EIF4G2: variants seen among roughly 807,000 people sequenced by gnomAD.
EIF4G2 encodes the protein eukaryotic translation initiation factor 4 gamma 2, also known as DAP-5.
A neutral mutation model predicts 117.7 loss-of-function variants in EIF4G2; 8 were observed. The ratio of observed to expected loss-of-function variants is 0.07; its 90% confidence interval spans 0.04 to 0.12. The LOEUF is 0.12. EIF4G2 is among the 10% of genes least tolerant of loss of function. The pLI, the probability that EIF4G2 is intolerant of heterozygous loss-of-function variation, is 1.00. For synonymous variants in EIF4G2, 413 were observed against 367.8 expected, an observed-to-expected ratio of 1.12 and a Z score of -1.41; for missense variants, 812 against 1,086.2, an observed-to-expected ratio of 0.75 and a Z score of 3.55.
intron 11 of EIF4G2, among the ~76,000 whole-genome samples, chr11:10,802,722 C>T (rs1003000028): frequency 1.3e-5 from 2 of 152,046 alleles, no homozygotes; most frequent in African/African-American, 4.8e-5. Flanking sequence ...AAAAAATTAG[C>T]GGGGTGTGGT....
In EIF4G2 at chr11:10,803,582, T is replaced by C; in HGVS notation, c.711A>G (p.Glu237=). The change falls in exon 9 of 22, where the codon GAA becomes GAG. Residue 237 remains glutamate (E), a synonymous_variant. Transcript: ENST00000339995. This position sits in a 1 kb window ranked among gnomAD's most constrained non-coding sequence, Gnocchi z 4.0. ...CTTTGAGTTGGACTCTCTTCTTCTT[T>C]TCCAAAAGCTACAAGAATAAAAGGC... The C allele has an allele frequency of 6.2e-7, 1 of 1,613,488 alleles. No homozygotes were observed. The highest frequency in any genetic ancestry group is 1.3e-5 in the African/African-American group (1 of 75,046).
intron 21 of EIF4G2, among the ~76,000 whole-genome samples, chr11:10,798,568 G>C (rs535148493): frequency 3.3e-5 from 5 of 149,846 alleles, no homozygotes; most frequent in African/African-American, 1.0e-4. Context: ...GTATTTTTTA[G>C]AGACAGGGTT....
Position 10,803,836 on chromosome 11 carries a change from A to C in EIF4G2, c.702+63T>G. 6.5e-7 allele frequency: 1 copy of C among 1,549,456 alleles called. No homozygotes were observed. The highest frequency in any genetic ancestry group is 8.8e-7 in the Non-Finnish European group (1 of 1,142,290). Reference sequence around the variant, plus strand: ...AACTAGTCAACCTCCCTCTTAGATGAATAATTGACTCATTTCCTCCAAACG... The same window carrying C: ...AACTAGTCAACCTCCCTCTTAGATGCATAATTGACTCATTTCCTCCAAACG... On this transcript the variant is annotated intron_variant, in intron 8 of 21. Transcript: ENST00000339995. The surrounding 1 kb of genome is among the most constrained non-coding windows in gnomAD (Gnocchi z 4.0).
intron 1 of EIF4G2, chr11:10,808,435 C>T: frequency 7.9e-7 from 1 of 1,261,762 alleles, no homozygotes; most frequent in Non-Finnish European, 1.0e-6. Flanking sequence ...CGGTCCGCCA[C>T]GGCCTCGTCC....
At chr11:10,799,967 A>G in intron 18 of EIF4G2, 123 bp downstream of exon 18, 1 of 1,189,052 alleles carries the variant, frequency 8.4e-7, no homozygotes, top group Non-Finnish European at 1.2e-6. Context: ...GATCTGTGGT[A>G]ATGTTTATCA....
chr11:10,801,796 A>G (rs375199297), intron 13 of EIF4G2, 22 bp from the exon 14 acceptor site: 15 of 1,607,268 alleles, frequency 9.3e-6, no homozygotes, highest in African/African-American at 2.7e-5. Flanking sequence ...AAGGAGAAAG[A>G]AAGTCTAGAT....
At position 10,803,503 on chromosome 11, in the gene EIF4G2, T is replaced by C; in HGVS notation, c.790A>G (p.Arg264Gly). 6.2e-7 allele frequency: 1 copy of C among 1,614,156 alleles called. No individual in the cohort carries two copies. Among genetic ancestry groups the C allele is most frequent in the Non-Finnish European group, 8.5e-7 (1 of 1,180,000 alleles). ...ACCTTGGCTCGTTCATGGTCTAATC[T>C]AGGTCCCACTGTCCTCATTATCTGA... The change falls in exon 9 of 22, where the codon AGA (arginine) becomes GGA (glycine). Residue 264 changes from arginine (R) to glycine (G), a missense_variant. This residue lies in a region of EIF4G2 where 154 missense variants were observed against 322.1 expected (regional missense o/e 0.48). Transcript: ENST00000339995. This position sits in a 1 kb window ranked among gnomAD's most constrained non-coding sequence, Gnocchi z 4.0.
rs574127467 is a variant in EIF4G2 at position 10,802,076 on chromosome 11, C to T, written c.1272G>A (p.Glu424=). ...GGCTTTTCATAAACTTGCCTCCCAT[C>T]TCTCCAAACTGCGATTGTGTGGGAG... Residue 424 remains glutamate (E), a synonymous_variant, in exon 13 of 22, where the codon GAG becomes GAA. Transcript: ENST00000339995. The T allele has an allele frequency of 1.2e-4, 107 of 867,788 alleles. No individual in the cohort carries two copies. In the Admixed American group the frequency reaches 5.2e-3, roughly 42 times the overall value. The allele number at this position is 867,788 out of a possible 1,614,324, so 53.8% of individuals were successfully genotyped here.
chr11:10,797,543 T>C lies in EIF4G2; in HGVS notation c.*273A>G, dbSNP rs565954508. 5.2e-6 allele frequency: 2 copies of C among 383,612 alleles called. No individual in the cohort carries two copies. Among genetic ancestry groups the C allele is most frequent in the African/African-American group, 4.2e-5 (2 of 47,574 alleles). The allele number at this position is 383,612 out of a possible 1,614,324, so 23.8% of individuals were successfully genotyped here. ...AGCAAAGAAGGTCCTTGCAATAGAC[T>C]GCCTCTGCTTGAGAACTTATGATGT... On this transcript the variant is annotated 3_prime_UTR_variant, in exon 22 of 22. Transcript: ENST00000339995. The surrounding 1 kb of genome is among the most constrained non-coding windows in gnomAD (Gnocchi z 4.5).
rs1021649714 is a variant in EIF4G2, at chr11:10,797,693, G to A, written c.*123C>T. On this transcript the variant is annotated 3_prime_UTR_variant, in exon 22 of 22. Transcript: ENST00000339995. The surrounding 1 kb of genome is among the most constrained non-coding windows in gnomAD (Gnocchi z 4.5). ...TATGCAGAAGGAAATCCTAACTGAC[G>A]TGCTTCTGCTTTAAATATTGTGAAA... 30 of 1,007,932 alleles carry A rather than the reference G, an allele frequency of 3.0e-5. No individual in the cohort carries two copies. Among genetic ancestry groups the A allele is most frequent in the East Asian group, 4.8e-5 (2 of 41,652 alleles). The allele number at this position is 1,007,932 out of a possible 1,614,324, so 62.4% of individuals were successfully genotyped here.
rs1490752336 is a variant in EIF4G2, at chr11:10,799,114, C to CT, written c.2537-2dup. On this transcript the variant is annotated splice_acceptor_variant, in intron 20 of 21. Coordinates refer to ENST00000339995, the MANE Select transcript of EIF4G2 (RefSeq NM_001418.4). LOFTEE classifies it high-confidence loss of function. ...TGCACAAAAAAGCGAAGTAACATGC[C>CT]TTAAAAAAAAAAAAAAAAAGAAAAA... 104 of 1,418,854 alleles carry CT rather than the reference C, an allele frequency of 7.3e-5. No homozygotes were observed. Among genetic ancestry groups the CT allele is most frequent in the Middle Eastern group, 5.5e-4 (3 of 5,466 alleles). 87.9% of individuals were successfully genotyped at this position (1,418,854 alleles called of 1,614,324 possible). A position where few individuals can be genotyped will look rare whatever the true frequency, so the allele number is the denominator to read the frequency against.
Position 10,806,899 on chromosome 11 carries a change from A to T in EIF4G2, c.42-14T>A. On this transcript the variant is annotated splice_polypyrimidine_tract_variant and intron_variant, in intron 2 of 21. Coordinates refer to ENST00000339995, the MANE Select transcript of EIF4G2 (RefSeq NM_001418.4). ...CCCGAAGAAGCACTATTTAAAAGAA[A>T]AAAATTGTTTACTGTATCCCAACTA... 6.2e-7 allele frequency: 1 copy of T among 1,613,428 alleles called. No individual in the cohort carries two copies. Among genetic ancestry groups the T allele is most frequent in the Non-Finnish European group, 8.5e-7 (1 of 1,179,942 alleles).
chr11:10,797,789 G>A lies in EIF4G2; in HGVS notation c.*27C>T, dbSNP rs1428693377. 1.2e-6 allele frequency: 2 copies of A among 1,611,750 alleles called. No homozygotes were observed. The highest frequency in any genetic ancestry group is 4.5e-5 in the East Asian group (2 of 44,836). The stretch of plus-strand genomic sequence containing the variant: ...TTACATCATAGCAACAGTATGTTTT[G>A]CACAATTTAAGGCTTTGGCTGGTTC... On this transcript the variant is annotated 3_prime_UTR_variant, in exon 22 of 22. Coordinates refer to ENST00000339995, the MANE Select transcript of EIF4G2 (RefSeq NM_001418.4). This position sits in a 1 kb window ranked among gnomAD's most constrained non-coding sequence, Gnocchi z 4.5.
chr11:10,798,741 TC>T (rs1278671268), intron 21 of EIF4G2: 2 of 344,070 alleles, frequency 5.8e-6, no homozygotes, highest in African/African-American at 4.3e-5. Context: ...GTACAGTCAC[TC>T]CCATGTATAT....
chr11:10,805,105 T>G, intron 4 of EIF4G2, 90 bp from the exon 5 acceptor site: 3 of 1,019,104 alleles, frequency 2.9e-6, no homozygotes, highest in Non-Finnish European at 4.5e-6. Context: ...ATTTTTCTTC[T>G]AACTTGCTCC....
Position 10,804,994 on chromosome 11 carries a change from A to T in EIF4G2, c.270T>A (p.Pro90=). Residue 90 remains proline, a synonymous_variant, in exon 5 of 22, where the codon CCT becomes CCA. Transcript: ENST00000339995. ...CAAGGCATAGCTTGTCAAACTTTTC[A>T]GGAGTAAGCTTATTTAGTATGCTGG... 6.2e-7 allele frequency: 1 copy of T among 1,613,970 alleles called. No individual in the cohort carries two copies.
intron 3 of EIF4G2, chr11:10,806,521 G>A (rs1213739216): frequency 2.6e-6 from 1 of 386,428 alleles, no homozygotes; most frequent in Non-Finnish European, 4.7e-6. Context: ...CATGTTGAGT[G>A]CGTACTACTT....
chr11:10,798,071 C>A (rs1847308719), intron 21 of EIF4G2, among the ~76,000 whole-genome samples, 190 bp from the exon 22 acceptor site: 1 of 152,186 alleles, frequency 6.6e-6, no homozygotes, highest in South Asian at 2.1e-4. Flanking sequence ...AGATTTAATC[C>A]TGCAAGGATG....
chr11:10,801,140 T>G lies in EIF4G2; in HGVS notation c.1414-53A>C, dbSNP rs147199472. On this transcript the variant is annotated intron_variant, in intron 14 of 21. Transcript: ENST00000339995. ...ATTAACAACATGCAGTTGGCGAACA[T>G]ATTAAATACAACATTCTAAAATCCT... 1.7e-5 allele frequency: 27 copies of G among 1,606,362 alleles called. No homozygotes were observed. The East Asian group carries it at 2.9e-4, about 17-fold the overall frequency.
Sources: allele counts gnomAD v4.1 joint callset (sites outside exome capture counted in the v4.1 genomes callset), GRCh38; gene constraint gnomAD v4.1.1; regional missense constraint gnomAD v4.1.1; non-coding constraint Gnocchi (gnomAD v3.1); transcripts MANE v1.5; gene names NCBI Gene and HGNC (gene_info 2026-07-23, HGNC 2026-07-21).